PTPRD: variants seen among roughly 807,000 people sequenced by gnomAD.
PTPRD encodes receptor-type tyrosine-protein phosphatase delta.
PTPRD carries 34 observed loss-of-function variants against 214.5 expected under a neutral mutation model. That is an observed-to-expected ratio of 0.16 (90% CI 0.12 to 0.21). PTPRD has a LOEUF of 0.21. PTPRD is among the 10% of genes least tolerant of loss of function. The probability of loss-of-function intolerance (pLI) is 1.00; values close to 1 mark genes in which losing one functional copy is unlikely to be tolerated. For synonymous variants in PTPRD, 1,128 were observed against 845.7 expected (o/e 1.33, Z -5.79); for missense variants, 2,545 against 2,398.7 (o/e 1.06, Z -1.27).
chr9:9,537,552 C>T (rs902610680), intron 8 of PTPRD, among the ~76,000 whole-genome samples: 1 of 151,998 alleles, frequency 6.6e-6, no homozygotes, highest in Non-Finnish European at 1.5e-5. Flanking sequence ...ACAAATCTAT[C>T]ACACATCTTA....
intron 3 of PTPRD, among the ~76,000 whole-genome samples, chr9:10,042,126 T>G (rs1027894296): frequency 6.6e-6 from 1 of 152,036 alleles, no homozygotes; most frequent in African/African-American, 2.4e-5. Context: ...ACTGCTTTTT[T>G]CCAGAGATTT....
intron 7 of PTPRD, among the ~76,000 whole-genome samples, chr9:9,686,609 C>T (rs928170870): frequency 6.6e-6 from 1 of 151,610 alleles, no homozygotes; most frequent in Non-Finnish European, 1.5e-5. Context: ...TACATTTCTA[C>T]ATAAATTTTA....
chr9:9,328,502 G>A (rs929837166), intron 9 of PTPRD, among the ~76,000 whole-genome samples: 32 of 151,520 alleles, frequency 2.1e-4, no homozygotes, highest in African/African-American at 7.0e-4. Context: ...AACCTGGCTG[G>A]TAACTTTAAA....
intron 35 of PTPRD, among the ~76,000 whole-genome samples, chr9:8,406,962 A>T (rs2093045044): frequency 6.6e-6 from 1 of 152,180 alleles, no homozygotes; most frequent in Admixed American, 6.6e-5. Context: ...TTTTACTTAG[A>T]CTAAGATCAC....
chr9:8,853,083 G>A (rs1194867298), intron 11 of PTPRD, among the ~76,000 whole-genome samples: 3 of 152,118 alleles, frequency 2.0e-5, no homozygotes, highest in Non-Finnish European at 2.9e-5. Flanking sequence ...TTTCTTGAAA[G>A]CAAATGGGTA....
intron 8 of PTPRD, among the ~76,000 whole-genome samples, chr9:9,511,516 G>C (rs960681234): frequency 6.6e-6 from 1 of 151,404 alleles, no homozygotes; most frequent in Admixed American, 6.6e-5. Flanking sequence ...CAAAAATCTT[G>C]GTATCATTCT....
At chr9:10,267,034 CA>C (rs374326990) in intron 3 of PTPRD, among the ~76,000 whole-genome samples, 12 of 151,026 alleles carry the variant, frequency 7.9e-5, no homozygotes, top group African/African-American at 2.9e-4. Flanking sequence ...ACTAAAAACA[CA>C]AAAAAAATTA....
chr9:9,581,980 T>C (rs2090917938), intron 7 of PTPRD, among the ~76,000 whole-genome samples: 1 of 152,168 alleles, frequency 6.6e-6, no homozygotes, highest in Non-Finnish European at 1.5e-5. Context: ...GTTTAATAAC[T>C]GTATATTTTA....
At chr9:9,433,235 TAAAAG>T (rs2083918663) in intron 8 of PTPRD, among the ~76,000 whole-genome samples, 1 of 152,202 alleles carries the variant, frequency 6.6e-6, no homozygotes, top group Non-Finnish European at 1.5e-5. Flanking sequence ...CCGATACACT[TAAAAG>T]AAGTTTGTAT....
At chr9:9,854,545 T>C (rs2061174443) in intron 5 of PTPRD, among the ~76,000 whole-genome samples, 1 of 152,138 alleles carries the variant, frequency 6.6e-6, no homozygotes, top group South Asian at 2.1e-4. Context: ...TAATCTTTTC[T>C]CAGAAGATTT....
chr9:8,760,148 C>T (rs933547524), intron 11 of PTPRD, among the ~76,000 whole-genome samples: 3 of 152,166 alleles, frequency 2.0e-5, no homozygotes, highest in African/African-American at 7.2e-5. Context: ...CCAGGCTGTT[C>T]TCAAACTCCT....
intron 3 of PTPRD, among the ~76,000 whole-genome samples, chr9:10,106,158 C>T (rs1163362951): frequency 6.6e-6 from 1 of 151,488 alleles, no homozygotes; most frequent in Non-Finnish European, 1.5e-5. Context: ...TGTGAACAGA[C>T]CACAGATCTT....
rs2136986885 is a variant in PTPRD, at chr9:8,500,993, C to A, written c.1889G>T (p.Trp630Leu). 1 of 1,613,858 alleles carries A rather than the reference C, an allele frequency of 6.2e-7. No homozygotes were observed. ...SPSSTSILVS[W>L]QPPPVEKQNG... Reference sequence around the variant, plus strand: ...CTGTTTTTCCACTGGTGGAGGTTGCCAACTTACCAAAATACTAGTGGAACT... The same window carrying A: ...CTGTTTTTCCACTGGTGGAGGTTGCAAACTTACCAAAATACTAGTGGAACT... Residue 630 changes from tryptophan to leucine, a missense_variant, in exon 24 of 46, where the codon TGG becomes TTG. Transcript: ENST00000381196.
Position 8,525,053 on chromosome 9 carries a change from A to G in PTPRD, c.569-18T>C. On this transcript the variant is annotated intron_variant, in intron 17 of 45. Coordinates refer to ENST00000381196, the MANE Select transcript of PTPRD (RefSeq NM_002839.4). Reference sequence around the variant, plus strand: ...AAGGGCTCCTGTATGGATATAAAATATATTGCCAAAGAGATGATCAGAGAA... The same window carrying G: ...AAGGGCTCCTGTATGGATATAAAATGTATTGCCAAAGAGATGATCAGAGAA... 6.3e-7 allele frequency: 1 copy of G among 1,591,456 alleles called. No homozygotes were observed. Among genetic ancestry groups the G allele is most frequent in the Non-Finnish European group, 8.6e-7 (1 of 1,159,586 alleles).
intron 2 of PTPRD, among the ~76,000 whole-genome samples, chr9:10,441,984 T>C (rs1284712969): frequency 6.6e-6 from 1 of 151,534 alleles, no homozygotes; most frequent in African/African-American, 2.4e-5. Flanking sequence ...GAGAAAAAAG[T>C]TGAAAAATTT....
intron 3 of PTPRD, among the ~76,000 whole-genome samples, chr9:10,202,220 A>G (rs1216927958): frequency 6.6e-6 from 1 of 152,090 alleles, no homozygotes; most frequent in Non-Finnish European, 1.5e-5. Flanking sequence ...GAGAGCTTAC[A>G]TAAAGAGAGT....
At chr9:10,545,814 C>G (rs1022536624) in intron 2 of PTPRD, among the ~76,000 whole-genome samples, 4 of 152,194 alleles carry the variant, frequency 2.6e-5, no homozygotes, top group Middle Eastern at 3.4e-3. Context: ...TTTACTTCCT[C>G]TCTTGTATTT....
intron 9 of PTPRD, among the ~76,000 whole-genome samples, chr9:9,355,108 A>G (rs2053234435): frequency 1.3e-5 from 2 of 151,866 alleles, no homozygotes; most frequent in South Asian, 4.1e-4. Flanking sequence ...GTTGTATACA[A>G]TTTGGTGAGT....
At chr9:9,987,013 T>C (rs1276980678) in intron 4 of PTPRD, among the ~76,000 whole-genome samples, 1 of 152,116 alleles carries the variant, frequency 6.6e-6, no homozygotes, top group Non-Finnish European at 1.5e-5. Flanking sequence ...GTGAGAGTAA[T>C]TCAGGAAAGT....
Sources: allele counts gnomAD v4.1 joint callset (sites outside exome capture counted in the v4.1 genomes callset), GRCh38; gene constraint gnomAD v4.1.1; transcripts MANE v1.5; gene names NCBI Gene and HGNC (gene_info 2026-07-23, HGNC 2026-07-21).